Variants in CDH26 observed in about 807,000 individuals in gnomAD.
CDH26 encodes cadherin-like protein 26.
CDH26 carries 83 observed loss-of-function variants against 90.3 expected under a neutral mutation model. That is an observed-to-expected ratio of 0.92 (90% CI 0.77 to 1.10). CDH26 has a LOEUF of 1.10. CDH26 is among the 50% of genes least tolerant of loss of function. The pLI is 0.00. For synonymous variants in CDH26, 397 were observed against 396.3 expected, an observed-to-expected ratio of 1.00 and a Z score of -0.02; for missense variants, 1,013 against 1,037.6, an observed-to-expected ratio of 0.98 and a Z score of 0.33.
At chr20:60,019,879 G>A (rs1313195459) in intron 7 of CDH26, among the ~76,000 whole-genome samples, 1 of 152,158 alleles carries the variant, frequency 6.6e-6, no homozygotes, top group Non-Finnish European at 1.5e-5. Flanking sequence ...CATATAGATG[G>A]GTTTTGGGGT....
In CDH26 at chr20:59,959,744, G is replaced by C. The variant is rs194976; in HGVS notation, c.69+949G>C. Among the ~76,000 whole-genome samples, 1,109 of 152,252 alleles carry C rather than the reference G, an allele frequency of 7.3e-3. 16 individuals carry two copies. Among genetic ancestry groups the C allele is most frequent in the African/African-American group, 0.025 (1,056 of 41,538 alleles). ...CTGTTCACACTTTACATAAGATTGA[G>C]GAAATCTCAGTTGTCTGGATCCAAG... On this transcript the variant is annotated intron_variant, in intron 1 of 17. Coordinates refer to ENST00000348616, the MANE Select transcript of CDH26 (RefSeq NM_177980.4).
chr20:59,996,195 G>T, intron 12 of CDH26, 141 bp downstream of exon 12: 1 of 1,020,576 alleles, frequency 9.8e-7, no homozygotes, highest in Non-Finnish European at 1.4e-6. Context: ...GGTGTACTCA[G>T]GCTCCTAGAT....
At chr20:59,959,820 A>G (rs946613246) in intron 1 of CDH26, among the ~76,000 whole-genome samples, 5 of 152,238 alleles carry the variant, frequency 3.3e-5, no homozygotes, top group Admixed American at 1.3e-4. Flanking sequence ...ATTGCCCCCA[A>G]CTGCCACTGT....
Position 60,001,346 on chromosome 20 carries a change from C to T in CDH26, c.2101C>T (p.Leu701Phe), listed in dbSNP as rs1158292029. The T allele has an allele frequency of 3.1e-6, 5 of 1,613,942 alleles. No individual in the cohort carries two copies. The highest frequency in any genetic ancestry group is 4.2e-6 in the Non-Finnish European group (5 of 1,180,036). ...AAGPTQGVKD[L>F]EEVPPSAASQ... ...TAAATCAGCATTTTCCCTCTAGGAT[C>T]TCGAGGAAGTGCCTCCATCTGCAGC... Residue 701 changes from leucine to phenylalanine, a missense_variant, in exon 15 of 18, where the codon CTC becomes TTC. Transcript: ENST00000348616.
At chr20:60,033,235 G>T (rs1337854044) in intron 8 of CDH26, among the ~76,000 whole-genome samples, 1 of 152,140 alleles carries the variant, frequency 6.6e-6, no homozygotes, top group East Asian at 1.9e-4. Flanking sequence ...CCTCTTACAG[G>T]TTTTTTGAGA....
At position 59,984,675 on chromosome 20, in the gene CDH26, A is replaced by G. The variant is rs2061430908; in HGVS notation, c.578A>G (p.Asp193Gly). ...TTTCAGATGTTAGCAGTCGATTTGGATGAAGAAAACACTCCAAATTCTCAA... is the reference window on the plus strand; with the variant it reads ...TTTCAGATGTTAGCAGTCGATTTGGGTGAAGAAAACACTCCAAATTCTCAA... The part of the protein sequence containing the change: ...PIFQMLAVDL[D>G]EENTPNSQVL... The change falls in exon 6 of 18, where the codon GAT (aspartate) becomes GGT (glycine). Residue 193 changes from aspartate to glycine, a missense_variant. Physicochemically the swap from Asp to Gly is moderately conservative, Grantham distance 94 (BLOSUM62 -1). Transcript: ENST00000348616. 1 of 1,612,714 alleles carries G rather than the reference A, an allele frequency of 6.2e-7. No individual in the cohort carries two copies. The highest frequency in any genetic ancestry group is 8.5e-7 in the Non-Finnish European group (1 of 1,179,666).
chr20:60,031,531 A>T, intron 8 of CDH26: 3 of 1,014,710 alleles, frequency 3.0e-6, no homozygotes, highest in Non-Finnish European at 3.6e-6. Flanking sequence ...AATCAATTGA[A>T]TTAATTATTT....
At chr20:59,959,096 C>G (rs1431629402) in intron 1 of CDH26, among the ~76,000 whole-genome samples, 1 of 152,130 alleles carries the variant, frequency 6.6e-6, no homozygotes, top group African/African-American at 2.4e-5. Flanking sequence ...TGTTTTCTTT[C>G]TTTGTTTCTT....
At chr20:60,024,954 GC>G (rs2061984493) in intron 7 of CDH26, among the ~76,000 whole-genome samples, 1 of 152,152 alleles carries the variant, frequency 6.6e-6, no homozygotes, top group Non-Finnish European at 1.5e-5. Flanking sequence ...GAGCAGGTGC[GC>G]CCTCCTCTGC....
intron 5 of CDH26, 117 bp downstream of exon 5, chr20:59,983,187 T>C: frequency 1.6e-6 from 2 of 1,218,278 alleles, no homozygotes; most frequent in South Asian, 3.2e-5. Context: ...ACTGTTCACA[T>C]CTCAAAGATC....
At chr20:60,007,167 A>G (rs195008) in intron 17 of CDH26, among the ~76,000 whole-genome samples, 5,145 of 152,206 alleles carry the variant, frequency 0.034, 306 homozygotes, top group African/African-American at 0.12. Flanking sequence ...ATCTAAACCT[A>G]ATTGTCTCCC....
rs901530711 is a variant in CDH26, at chr20:59,992,594, G to T, written c.1426+74G>T. ...CTGCGGGAAAATAACCCTGGTGAGC[G>T]TCTTTCAGCACAGCAGAGAAAAGGA... On this transcript the variant is annotated intron_variant, in intron 10 of 17. Coordinates refer to ENST00000348616, the MANE Select transcript of CDH26 (RefSeq NM_177980.4). The surrounding 1 kb of genome is among the most constrained non-coding windows in gnomAD (Gnocchi z 5.0). The T allele has an allele frequency of 6.2e-6, 9 of 1,455,542 alleles. No individual in the cohort carries two copies. Among genetic ancestry groups the T allele is most frequent in the African/African-American group, 1.4e-5 (1 of 71,704 alleles). 90.2% of individuals were successfully genotyped at this position (1,455,542 alleles called of 1,614,324 possible). A position where few individuals can be genotyped will look rare whatever the true frequency, so the allele number is the denominator to read the frequency against.
intron 17 of CDH26, 97 bp from the exon 18 acceptor site, chr20:60,012,430 C>T: frequency 8.7e-7 from 1 of 1,145,470 alleles, no homozygotes; most frequent in South Asian, 1.5e-5. Flanking sequence ...AGTGCTGTTA[C>T]TACTGCATTG....
At position 59,995,841 on chromosome 20, in the gene CDH26, G is replaced by C. The variant is rs369998600; in HGVS notation, c.1675G>C (p.Val559Leu). The change falls in exon 12 of 18, where the codon GTT becomes CTT. Residue 559 changes from valine to leucine, a missense_variant. Val to Leu is a conservative substitution (Grantham distance 32). Coordinates refer to ENST00000348616, the MANE Select transcript of CDH26 (RefSeq NM_177980.4). ...TCTTTTTCCCTTTGCAGGTCAATCA[G>C]TTGAACTTTTAACCTTGAGAAGCCT... ...WKLGRNWGQS[V>L]ELLTLRSLPR... 9.3e-6 allele frequency: 15 copies of C among 1,614,056 alleles called. 1 individual carries two copies. In the South Asian group the frequency reaches 1.4e-4, roughly 15 times the overall value.
intron 11 of CDH26, among the ~76,000 whole-genome samples, 178 bp downstream of exon 11, chr20:59,994,667 C>A (rs1022010221): frequency 2.0e-5 from 3 of 152,134 alleles, no homozygotes; most frequent in African/African-American, 7.2e-5. Flanking sequence ...CATGGTCTGC[C>A]TTTCTCTAGG....
downstream of CDH26, among the ~76,000 whole-genome samples, chr20:60,019,044 C>A (rs1017393186): frequency 6.6e-6 from 1 of 152,106 alleles, no homozygotes; most frequent in Non-Finnish European, 1.5e-5. Flanking sequence ...TCATCCAATT[C>A]TCTCCTGGCT....
intron 16 of CDH26, among the ~76,000 whole-genome samples, chr20:60,004,823 TA>T (rs1207291471): frequency 7.0e-6 from 1 of 142,968 alleles, no homozygotes. Context: ...AAAGGTACAG[TA>T]AAAATACAGC....
chr20:59,987,566 T>C lies in CDH26; in HGVS notation c.951T>C (p.His317=). 6.2e-7 allele frequency: 1 copy of C among 1,613,962 alleles called. No homozygotes were observed. The highest frequency in any genetic ancestry group is 2.2e-5 in the East Asian group (1 of 44,892). Residue 317 remains histidine, a synonymous_variant, in exon 8 of 18, where the codon CAT becomes CAC. Transcript: ENST00000348616. Reference sequence around the variant, plus strand: ...GGAGAGCAAAATTCAACATATTGCATGGCAATGAAGAGGGGCATTTTGACA... The same window carrying C: ...GGAGAGCAAAATTCAACATATTGCACGGCAATGAAGAGGGGCATTTTGACA... ...SAWRAKFNIL[H]GNEEGHFDIS...
chr20:59,970,321 G>C, intron 3 of CDH26, 135 bp downstream of exon 3: 1 of 1,250,936 alleles, frequency 8.0e-7, no homozygotes, highest in Non-Finnish European at 1.1e-6. Context: ...AGGAGCACTG[G>C]CCTGGGGTTC....
Sources: gnomAD v4.1 joint callset for allele counts (sites outside exome capture counted in the v4.1 genomes callset) on GRCh38, gnomAD v4.1.1 for gene constraint, Gnocchi (gnomAD v3.1) non-coding constraint, MANE v1.5 for transcripts, NCBI Gene and HGNC (gene_info 2026-07-23, HGNC 2026-07-21) for gene names.